Variants in SMS observed in about 807,000 individuals in gnomAD.
SMS encodes spermidine aminopropyltransferase.
Under a neutral mutation model 33.0 loss-of-function variants are expected in SMS, and 3 were observed. The observed-to-expected ratio is 0.09, with a 90% CI of 0.04 to 0.23. The LOEUF is 0.23. Ranked by LOEUF, SMS falls within the 10% of genes least tolerant of loss-of-function variation. The probability of loss-of-function intolerance (pLI) is 1.00; values close to 1 mark genes in which losing one functional copy is unlikely to be tolerated. For synonymous variants in SMS, 103 were observed against 112.2 expected, an observed-to-expected ratio of 0.92 and a Z score of 0.52; for missense variants, 117 against 288.6, an observed-to-expected ratio of 0.41 and a Z score of 4.31.
chrX:21,976,450 C>G (rs1455078747), intron 4 of SMS, among the ~76,000 whole-genome samples: 1 of 111,222 alleles, frequency 9.0e-6, no homozygotes, highest in Admixed American at 9.6e-5. Context: ...CAACCTGATT[C>G]TAACCATGAA....
intron 9 of SMS, among the ~76,000 whole-genome samples, chrX:21,989,082 T>A (rs1230812513): frequency 1.8e-5 from 2 of 111,280 alleles, no homozygotes; most frequent in African/African-American, 3.3e-5. Context: ...GGTTCTTACA[T>A]GTATGATTTC....
intron 1 of SMS, among the ~76,000 whole-genome samples, chrX:21,946,283 G>T (rs1280606258): frequency 8.9e-6 from 1 of 112,039 alleles, no homozygotes; most frequent in Non-Finnish European, 1.9e-5. Flanking sequence ...GGGGGTGTAG[G>T]TTTCCACCCA....
intron 2 of SMS, among the ~76,000 whole-genome samples, chrX:21,970,597 C>G (rs1286710265): frequency 9.1e-6 from 1 of 109,948 alleles, no homozygotes; most frequent in Non-Finnish European, 1.9e-5. Context: ...GAGACAGGGT[C>G]TCACTCTGTC....
At chrX:21,991,276 C>G (rs1245194739) in intron 9 of SMS, among the ~76,000 whole-genome samples, 2 of 111,551 alleles carry the variant, frequency 1.8e-5, no homozygotes, top group East Asian at 2.8e-4. Context: ...CTCCTGGGTT[C>G]AAGCGGTTCT....
At chrX:21,946,025 G>C (rs1043137545) in intron 1 of SMS, among the ~76,000 whole-genome samples, 1 of 112,447 alleles carries the variant, frequency 8.9e-6, no homozygotes, top group Non-Finnish European at 1.9e-5. Flanking sequence ...AAATTGTTAG[G>C]CAAGGAGAAA....
intron 4 of SMS, among the ~76,000 whole-genome samples, chrX:21,976,854 A>T (rs1924564098): frequency 8.9e-6 from 1 of 112,251 alleles, no homozygotes; most frequent in South Asian, 3.7e-4. Flanking sequence ...GCATGACAGG[A>T]TTTTTTAAAA....
intron 1 of SMS, among the ~76,000 whole-genome samples, chrX:21,958,769 C>T (rs1245042697): frequency 2.7e-5 from 3 of 112,685 alleles, no homozygotes; most frequent in East Asian, 5.6e-4. Flanking sequence ...CTCCGCCTCT[C>T]GGGTTCAAGC....
chrX:21,953,868 C>T (rs1235780189), intron 1 of SMS, among the ~76,000 whole-genome samples: 3 of 98,279 alleles, frequency 3.1e-5, no homozygotes, highest in African/African-American at 1.1e-4. Context: ...TTTTTCTCCT[C>T]TAGTTTTTAT....
chrX:21,981,657 T>C (rs1924955985), intron 7 of SMS, among the ~76,000 whole-genome samples: 1 of 111,739 alleles, frequency 8.9e-6, no homozygotes, highest in African/African-American at 3.3e-5. Context: ...GGGAAAAGCG[T>C]TAGTTGAGTT....
rs760532479 is a variant in SMS, at chrX:21,977,110, G to A, written c.379G>A (p.Ala127Thr). Residue 127 changes from alanine to threonine, a missense_variant, in exon 5 of 11, where the codon GCC becomes ACC. By Grantham distance (58) the Ala-to-Thr change is moderately conservative. Around this residue, in one of 3 missense-constraint regions of SMS, gnomAD observed 69 missense variants for 203.8 expected, o/e 0.34. Coordinates refer to ENST00000404933, the MANE Select transcript of SMS (RefSeq NM_004595.5). ...GGAIDRYWPT[A>T]DGRLVEYDID... Reference sequence around the variant, plus strand: ...AGCCATCGACAGATACTGGCCCACCGCCGACGGGCGCCTGGTTGAATATGA... The same window carrying A: ...AGCCATCGACAGATACTGGCCCACCACCGACGGGCGCCTGGTTGAATATGA... The A allele has an allele frequency of 3.3e-6, 4 of 1,207,948 alleles. No individual in the cohort carries two copies. Among genetic ancestry groups the A allele is most frequent in the Non-Finnish European group, 3.4e-6 (3 of 892,018 alleles).
intron 1 of SMS, among the ~76,000 whole-genome samples, chrX:21,952,440 T>G (rs939498815): frequency 3.8e-5 from 4 of 104,147 alleles, no homozygotes; most frequent in Non-Finnish European, 3.9e-5. Context: ...TTTTTTTGAA[T>G]GTTGAACTAG....
intron 1 of SMS, among the ~76,000 whole-genome samples, chrX:21,950,585 C>A (rs1031297168): frequency 8.3e-5 from 9 of 108,749 alleles, no homozygotes; most frequent in African/African-American, 2.7e-4. Context: ...TCCTAATGCT[C>A]TCCCTCCCCT....
At chrX:21,993,467 A>G (rs1429054477) in intron 10 of SMS, among the ~76,000 whole-genome samples, 8 of 112,777 alleles carry the variant, frequency 7.1e-5, no homozygotes, top group East Asian at 2.8e-4. Context: ...CGGCTTCCTT[A>G]TCTGCTGTTG....
At chrX:21,955,079 G>A (rs1202254985) in intron 1 of SMS, among the ~76,000 whole-genome samples, 2 of 111,210 alleles carry the variant, frequency 1.8e-5, no homozygotes, top group Non-Finnish European at 3.8e-5. Flanking sequence ...CAAATGATCC[G>A]ACCGCCTTGG....
At chrX:21,982,369 G>T (rs1007790218) in intron 7 of SMS, among the ~76,000 whole-genome samples, 115 of 109,071 alleles carry the variant, frequency 1.1e-3, no homozygotes, top group Non-Finnish European at 1.8e-3. Context: ...ACCACAAGAC[G>T]GTCAACCCTG....
intron 1 of SMS, among the ~76,000 whole-genome samples, chrX:21,951,640 G>A (rs1341464956): frequency 1.3e-4 from 14 of 110,185 alleles, no homozygotes; most frequent in African/African-American, 4.6e-4. Flanking sequence ...AAGGGGTCCA[G>A]TTTCTGTTTT....
At chrX:21,967,056 T>TA (rs1923773942) in intron 1 of SMS, 140 bp from the exon 2 acceptor site, 1 of 325,200 alleles carries the variant, frequency 3.1e-6, no homozygotes, top group Non-Finnish European at 4.4e-6. Flanking sequence ...GTTTTTTAAT[T>TA]TTTATTTATT....
chrX:21,973,856 A>C (rs907079626), intron 4 of SMS, among the ~76,000 whole-genome samples: 1 of 113,465 alleles, frequency 8.8e-6, no homozygotes, highest in East Asian at 2.8e-4. Context: ...ACACTGCCGA[A>C]GTGTTTGCCA....
At chrX:21,970,599 C>T (rs891169456) in intron 2 of SMS, among the ~76,000 whole-genome samples, 7 of 109,382 alleles carry the variant, frequency 6.4e-5, no homozygotes, top group African/African-American at 2.3e-4. Context: ...GACAGGGTCT[C>T]ACTCTGTCGC....
Sources: gnomAD v4.1 joint callset for allele counts (sites outside exome capture counted in the v4.1 genomes callset) on GRCh38, gnomAD v4.1.1 for gene constraint, gnomAD v4.1.1 regional missense constraint, MANE v1.5 for transcripts, NCBI Gene and HGNC (gene_info 2026-07-23, HGNC 2026-07-21) for gene names.